Variants in MAPK10 observed in about 807,000 individuals in gnomAD.
MAPK10 encodes mitogen-activated protein kinase 10, also known as JNK3 alpha protein kinase.
A neutral mutation model predicts 59.3 loss-of-function variants in MAPK10; 25 were observed. That is an observed-to-expected ratio of 0.42 (90% CI 0.31 to 0.59). The LOEUF (loss-of-function observed/expected upper bound fraction) is 0.59, where lower values mean the gene tolerates loss of function less well. MAPK10 is among the 20% of genes least tolerant of loss of function. MAPK10 has a pLI of 0.15. For synonymous variants in MAPK10, 190 were observed against 200.5 expected (o/e 0.95, Z 0.44); for missense variants, 351 against 568.9 (o/e 0.62, Z 3.90).
chr4:86,149,069 T>C (rs920449311), intron 4 of MAPK10, among the ~76,000 whole-genome samples: 9 of 152,204 alleles, frequency 5.9e-5, no homozygotes, highest in African/African-American at 2.2e-4. Flanking sequence ...ACATATGTGC[T>C]AGATTCATTC....
chr4:86,145,176 G>A (rs1307839939), intron 4 of MAPK10, among the ~76,000 whole-genome samples: 1 of 151,758 alleles, frequency 6.6e-6, no homozygotes, highest in Non-Finnish European at 1.5e-5. Context: ...GTAGCACAAG[G>A]GTCAAAAGAT....
At chr4:86,390,847 T>C (rs1742094073) in intron 1 of MAPK10, among the ~76,000 whole-genome samples, 2 of 152,224 alleles carry the variant, frequency 1.3e-5, no homozygotes, top group Non-Finnish European at 2.9e-5. Flanking sequence ...CAAAGCAATA[T>C]ATTTGCTCTT....
intron 1 of MAPK10, among the ~76,000 whole-genome samples, chr4:86,493,161 G>A (rs758567938): frequency 2.6e-5 from 4 of 152,128 alleles, no homozygotes; most frequent in African/African-American, 4.8e-5. Context: ...ATTCCTGTAC[G>A]TCACTTTTTT....
intron 1 of MAPK10, among the ~76,000 whole-genome samples, chr4:86,584,825 C>T (rs1040545936): frequency 2.0e-5 from 3 of 152,146 alleles, no homozygotes; most frequent in Admixed American, 2.0e-4. Flanking sequence ...TTTTGGTTAA[C>T]AGATACTTTA....
At chr4:86,548,288 G>A (rs1300066430) in intron 1 of MAPK10, among the ~76,000 whole-genome samples, 2 of 151,902 alleles carry the variant, frequency 1.3e-5, no homozygotes, top group African/African-American at 2.4e-5. Flanking sequence ...GCGAGACCGC[G>A]AACCCCACCA....
intron 11 of MAPK10, among the ~76,000 whole-genome samples, chr4:86,042,822 G>A (rs1403338756): frequency 6.6e-6 from 1 of 151,988 alleles, no homozygotes; most frequent in Non-Finnish European, 1.5e-5. Context: ...AGAAAACAAT[G>A]AGCTAAATGG....
intron 1 of MAPK10, among the ~76,000 whole-genome samples, chr4:86,530,384 A>C (rs1448719194): frequency 1.3e-5 from 2 of 152,200 alleles, no homozygotes; most frequent in East Asian, 3.8e-4. Flanking sequence ...TGAATGGATG[A>C]GTGAAACATT....
intron 4 of MAPK10, among the ~76,000 whole-genome samples, chr4:86,139,483 T>G (rs1400321326): frequency 6.6e-6 from 1 of 151,350 alleles, no homozygotes; most frequent in African/African-American, 2.4e-5. Flanking sequence ...TAGCCATATG[T>G]AGAAAGCTGA....
intron 1 of MAPK10, among the ~76,000 whole-genome samples, chr4:86,458,920 C>G (rs1402401100): frequency 1.3e-5 from 2 of 152,010 alleles, no homozygotes; most frequent in East Asian, 1.9e-4. Flanking sequence ...ATAGCTGGGA[C>G]TTAAACAAAA....
chr4:86,244,241 G>A (rs926703045), intron 2 of MAPK10, among the ~76,000 whole-genome samples: 7 of 152,022 alleles, frequency 4.6e-5, no homozygotes, highest in Non-Finnish European at 7.3e-5. Context: ...GTAGTGTTTA[G>A]GCACTTACGA....
intron 2 of MAPK10, among the ~76,000 whole-genome samples, chr4:86,208,847 C>A (rs1420796880): frequency 1.3e-5 from 2 of 152,046 alleles, no homozygotes; most frequent in African/African-American, 4.8e-5. Context: ...TAGCAACCAC[C>A]AATTATTTTA....
At chr4:86,523,581 C>T (rs1026520217) in intron 1 of MAPK10, among the ~76,000 whole-genome samples, 4 of 152,222 alleles carry the variant, frequency 2.6e-5, no homozygotes, top group Non-Finnish European at 5.9e-5. Flanking sequence ...TGAAATTACA[C>T]TAATATATAC....
chr4:86,298,815 A>G (rs1475919175), intron 2 of MAPK10, among the ~76,000 whole-genome samples: 1 of 152,220 alleles, frequency 6.6e-6, no homozygotes, highest in Non-Finnish European at 1.5e-5. Context: ...CAAATTCCAA[A>G]AACTTAAAGC....
At chr4:86,535,987 G>C (rs145186265) in intron 1 of MAPK10, among the ~76,000 whole-genome samples, 167 of 152,242 alleles carry the variant, frequency 1.1e-3, no homozygotes, top group African/African-American at 3.7e-3. Context: ...CCCAGAAGAA[G>C]TTCATAGTGA....
At chr4:86,139,087 C>T (rs368339155) in intron 4 of MAPK10, among the ~76,000 whole-genome samples, 4,201 of 139,674 alleles carry the variant, frequency 0.03, 67 homozygotes, top group South Asian at 0.064. Context: ...GAATCAATAT[C>T]GTGAAAATGG....
At chr4:86,456,676 A>G (rs1339007585), upstream of MAPK10, among the ~76,000 whole-genome samples, 1 of 152,210 alleles carries the variant, frequency 6.6e-6, no homozygotes, top group Non-Finnish European at 1.5e-5. Flanking sequence ...AAAATTACCA[A>G]CAAAAAAAAG....
intron 3 of MAPK10, among the ~76,000 whole-genome samples, chr4:86,167,419 A>T (rs545304954): frequency 7.2e-5 from 11 of 152,238 alleles, no homozygotes; most frequent in Non-Finnish European, 1.3e-4. Context: ...TAGCAAAAAA[A>T]GAAAACTTAA....
At position 86,350,253 on chromosome 4, in the gene MAPK10, C is replaced by T. The variant is rs375720051; in HGVS notation, c.-7+4277G>A. Among the ~76,000 whole-genome samples, 34 of 151,424 alleles carry T rather than the reference C, an allele frequency of 2.2e-4. No homozygotes were observed. In the East Asian group the frequency reaches 2.7e-3, roughly 12 times the overall value. ...TTTTTGAGACGGAGTCTCACTCTGT[C>T]GCCCAGGCTGGAGTGCAGTGGCACG... On this transcript the variant is annotated intron_variant, in intron 2 of 13. Coordinates refer to ENST00000641462, the MANE Select transcript of MAPK10 (RefSeq NM_138982.4).
chr4:86,410,236 T>A (rs184356095), intron 1 of MAPK10, among the ~76,000 whole-genome samples: 3 of 152,364 alleles, frequency 2.0e-5, no homozygotes, highest in African/African-American at 7.2e-5. Context: ...CAGCCTTGCA[T>A]CCCAGGGATG....
Sources: allele counts gnomAD v4.1 joint callset (sites outside exome capture counted in the v4.1 genomes callset), GRCh38; gene constraint gnomAD v4.1.1; transcripts MANE v1.5; gene names NCBI Gene and HGNC (gene_info 2026-07-23, HGNC 2026-07-21).